The following PROZ variants were observed in gnomAD, a reference collection of about 807,000 sequenced individuals.
PROZ encodes the protein vitamin K-dependent protein Z.
PROZ carries 46 observed loss-of-function variants against 34.9 expected under a neutral mutation model. The ratio of observed to expected loss-of-function variants is 1.32; its 90% CI spans 1.04 to 1.69. The LOEUF (loss-of-function observed/expected upper bound fraction) is 1.69. Among genes scored for constraint, PROZ ranks in the 40% most tolerant of loss-of-function variants. The probability of loss-of-function intolerance (pLI) is 0.00; values close to 1 mark genes in which losing one functional copy is unlikely to be tolerated. For synonymous variants in PROZ, 195 were observed against 208.5 expected, an observed-to-expected ratio of 0.94 and a Z score of 0.56; for missense variants, 530 against 520.4, an observed-to-expected ratio of 1.02 and a Z score of -0.18.
At chr13:113,164,398 TTG>T in intron 4 of PROZ, 113 bp from the exon 5 acceptor site, 1 of 1,234,010 alleles carries the variant, frequency 8.1e-7, no homozygotes, top group Non-Finnish European at 1.2e-6. Flanking sequence ...ACCAGAACTC[TTG>T]TGTGCAAGGC....
chr13:113,163,750 G>A (rs552887089), intron 4 of PROZ, among the ~76,000 whole-genome samples: 2 of 151,614 alleles, frequency 1.3e-5, no homozygotes, highest in Non-Finnish European at 2.9e-5. Flanking sequence ...CACCCACCAT[G>A]TGCCCCTTTC....
chr13:113,165,213 T>G, intron 6 of PROZ, 93 bp downstream of exon 6: 1 of 1,332,916 alleles, frequency 7.5e-7, no homozygotes, highest in South Asian at 1.2e-5. Flanking sequence ...ACTAAGTGAA[T>G]CAGGCATCCT....
Position 113,172,117 on chromosome 13 carries a change from C to A in PROZ, c.*12C>A. On this transcript the variant is annotated 3_prime_UTR_variant, in exon 8 of 8. Coordinates refer to ENST00000375547, the MANE Select transcript of PROZ (RefSeq NM_003891.3). ...AGATCATGAACTAACTGAAACTCAG[C>A]TAGCCAGAATGAACAACACAACCGG... 1 of 1,611,830 alleles carries A rather than the reference C, an allele frequency of 6.2e-7. No individual in the cohort carries two copies. The highest frequency in any genetic ancestry group is 8.5e-7 in the Non-Finnish European group (1 of 1,179,644).
Position 113,158,796 on chromosome 13 carries a change from A to G in PROZ, c.70+66A>G, listed in dbSNP as rs1324704797. 5 of 1,476,422 alleles carry G rather than the reference A, an allele frequency of 3.4e-6. No individual in the cohort carries two copies. In the African/African-American group the frequency reaches 5.6e-5, roughly 16 times the overall value. 91.5% of individuals were successfully genotyped at this position (1,476,422 alleles called of 1,614,324 possible). A position where few individuals can be genotyped will look rare whatever the true frequency, so the allele number is the denominator to read the frequency against. On this transcript the variant is annotated intron_variant, in intron 1 of 7. Coordinates refer to ENST00000375547, the MANE Select transcript of PROZ (RefSeq NM_003891.3). The surrounding 1 kb of genome is among the most constrained non-coding windows in gnomAD (Gnocchi z 4.3). ...TCTTTCTTGACTCGGTCCATGGTGG[A>G]TTTGTAGATGAGGCTTTTTCCAGGA...
chr13:113,166,893 G>A (rs1419811341), intron 6 of PROZ, among the ~76,000 whole-genome samples: 9 of 152,106 alleles, frequency 5.9e-5, no homozygotes, highest in Non-Finnish European at 1.0e-4. Flanking sequence ...GTCTGCAACC[G>A]TAGCACTCAT....
chr13:113,160,196 A>G lies in PROZ; in HGVS notation c.234+19A>G. 2 of 1,612,936 alleles carry G rather than the reference A, an allele frequency of 1.2e-6. No homozygotes were observed. Among genetic ancestry groups the G allele is most frequent in the South Asian group, 2.2e-5 (2 of 91,050 alleles). On this transcript the variant is annotated intron_variant, in intron 2 of 7. Transcript: ENST00000375547. ...AGTCACTGTATGTACCCCCACCACA[A>G]ACCACAGGCCTCCTCATTATTTAGA... is the stretch of plus-strand genomic sequence containing the variant.
At position 113,160,131 on chromosome 13, in the gene PROZ, G is replaced by A. The variant is rs567624547; in HGVS notation, c.188G>A (p.Cys63Tyr). The A allele has an allele frequency of 1.9e-6, 3 of 1,614,152 alleles. No homozygotes were observed. Among genetic ancestry groups the A allele is most frequent in the South Asian group, 2.2e-5 (2 of 91,082 alleles). ...GAAAAAGAATGTTATGAAGAAATCTGTGTCTATGAAGAAGCAAGAGAAGTG... is the reference window on the plus strand; with the variant it reads ...GAAAAAGAATGTTATGAAGAAATCTATGTCTATGAAGAAGCAAGAGAAGTG... ...NLEKECYEEICVYEEAREVFE... is the reference protein window; with the variant it reads ...NLEKECYEEIYVYEEAREVFE... The change falls in exon 2 of 8, where the codon TGT becomes TAT. Residue 63 changes from cysteine to tyrosine, a missense_variant. Coordinates refer to ENST00000375547, the MANE Select transcript of PROZ (RefSeq NM_003891.3).
chr13:113,165,011 A>G, intron 5 of PROZ, 42 bp from the exon 6 acceptor site: 1 of 1,590,942 alleles, frequency 6.3e-7, no homozygotes, highest in Non-Finnish European at 8.6e-7. Flanking sequence ...ATTCGCTGAG[A>G]AGGCGCTGAT....
Position 113,163,046 on chromosome 13 carries a change from C to T in PROZ, c.297C>T (p.Asn99=), listed in dbSNP as rs1054600449. Residue 99 remains asparagine, a synonymous_variant, in exon 4 of 8, where the codon AAC becomes AAT. Transcript: ENST00000375547. ...SPCISQPCLH[N]GSCQDSIWGY... ...GCATCTCCCAGCCCTGCCTCCACAA[C>T]GGCTCTTGCCAGGACAGCATCTGGG... 1.7e-5 allele frequency: 27 copies of T among 1,561,304 alleles called. No individual in the cohort carries two copies. The highest frequency in any genetic ancestry group is 7.2e-5 in the East Asian group (3 of 41,786).
chr13:113,158,839 T>C lies in PROZ; in HGVS notation c.70+109T>C, dbSNP rs2036708295. On this transcript the variant is annotated intron_variant, in intron 1 of 7. Transcript: ENST00000375547. The surrounding 1 kb of genome is among the most constrained non-coding windows in gnomAD (Gnocchi z 4.3). ...TTCCAGGAGCCAGAGGAGCCCTGAG[T>C]GCCCAGACTAGTCTTAATTCCCCTG... 28 of 1,082,558 alleles carry C rather than the reference T, an allele frequency of 2.6e-5. No individual in the cohort carries two copies. Among genetic ancestry groups the C allele is most frequent in the Middle Eastern group, 3.9e-4 (2 of 5,100 alleles). The allele number at this position is 1,082,558 out of a possible 1,614,324, so 67.1% of individuals were successfully genotyped here.
intron 4 of PROZ, 66 bp downstream of exon 4, chr13:113,163,188 CAG>C (rs1368633352): frequency 1.3e-5 from 17 of 1,346,198 alleles, no homozygotes; most frequent in Non-Finnish European, 1.8e-5. Flanking sequence ...CATCCTCGGC[CAG>C]AGTCCCAATG....
At chr13:113,166,752 C>T (rs1484146532) in intron 6 of PROZ, among the ~76,000 whole-genome samples, 1 of 152,176 alleles carries the variant, frequency 6.6e-6, no homozygotes, top group Non-Finnish European at 1.5e-5. Context: ...CCCATGAGTG[C>T]GCTGAGGGTC....
At position 113,171,840 on chromosome 13, in the gene PROZ, C is replaced by G. The variant is rs753518204; in HGVS notation, c.938C>G (p.Ser313Trp). Reference sequence around the variant, plus strand: ...CGCAATGGCACTGACCTGGGCAACTCGCTGACCACGCGGCCTGTCACACTT... The same window carrying G: ...CGCAATGGCACTGACCTGGGCAACTGGCTGACCACGCGGCCTGTCACACTT... ...WARNGTDLGNSLTTRPVTLVE... is the reference protein window; with the variant it reads ...WARNGTDLGNWLTTRPVTLVE... Residue 313 changes from serine (S) to tryptophan (W), a missense_variant, in exon 8 of 8, where the codon TCG (serine) becomes TGG (tryptophan). Coordinates refer to ENST00000375547, the MANE Select transcript of PROZ (RefSeq NM_003891.3). This position sits in a 1 kb window ranked among gnomAD's most constrained non-coding sequence, Gnocchi z 5.1. The G allele has an allele frequency of 6.2e-7, 1 of 1,613,630 alleles. No individual in the cohort carries two copies.
At position 113,163,128 on chromosome 13, in the gene PROZ, G is replaced by A. The variant is rs150957775; in HGVS notation, c.373+6G>A. 1.4e-4 allele frequency: 209 copies of A among 1,547,140 alleles called. 2 individuals carry two copies. The African/African-American group carries it at 2.6e-3, about 19-fold the overall frequency. On this transcript the variant is annotated splice_donor_region_variant and intron_variant, in intron 4 of 7. Transcript: ENST00000375547. ...GGGCAGCAACTGCGAGCTGGGTGAG[G>A]CCCCGGCCGTCCCCTTCCCCCAAGG... is the stretch of plus-strand genomic sequence containing the variant.
Position 113,159,127 on chromosome 13 carries a change from T to A in PROZ, c.70+397T>A. On this transcript the variant is annotated intron_variant, in intron 1 of 7. Coordinates refer to ENST00000375547, the MANE Select transcript of PROZ (RefSeq NM_003891.3). This position sits in a 1 kb window ranked among gnomAD's most constrained non-coding sequence, Gnocchi z 4.6. The stretch of plus-strand genomic sequence containing the variant: ...GAGCCTTGGCCAGGCCAGCCAGGAA[T>A]GCCCAGTCTTGAGTCAGGAGACATA... 1.6e-6 allele frequency: 2 copies of A among 1,212,278 alleles called. No homozygotes were observed. Among genetic ancestry groups the A allele is most frequent in the Non-Finnish European group, 2.4e-6 (2 of 840,952 alleles). The allele number at this position is 1,212,278 out of a possible 1,614,324, so 75.1% of individuals were successfully genotyped here.
chr13:113,161,257 C>T (rs899236360), intron 3 of PROZ, among the ~76,000 whole-genome samples: 1 of 152,230 alleles, frequency 6.6e-6, no homozygotes, highest in Non-Finnish European at 1.5e-5. Context: ...GGAGGGCCCC[C>T]CCAGAGCAGC....
chr13:113,160,374 G>A (rs1198049665), intron 2 of PROZ, among the ~76,000 whole-genome samples, 197 bp downstream of exon 2: 1 of 152,166 alleles, frequency 6.6e-6, no homozygotes, highest in East Asian at 1.9e-4. Flanking sequence ...AGCAGTGAGT[G>A]GGGCTGGAAG....
intron 6 of PROZ, among the ~76,000 whole-genome samples, chr13:113,166,598 C>T (rs2043775356): frequency 6.6e-6 from 1 of 152,146 alleles, no homozygotes; most frequent in Admixed American, 6.5e-5. Context: ...AGGAAGAAAC[C>T]GAAGGGAGGC....
At chr13:113,165,289 C>T (rs2036893518) in intron 6 of PROZ, 169 bp downstream of exon 6, 9 of 709,900 alleles carry the variant, frequency 1.3e-5, no homozygotes, top group Middle Eastern at 7.2e-4. Context: ...GTTCTAATGC[C>T]GAGTTCATAA....
Sources: gnomAD v4.1 joint callset for allele counts (sites outside exome capture counted in the v4.1 genomes callset) on GRCh38, gnomAD v4.1.1 for gene constraint, Gnocchi (gnomAD v3.1) non-coding constraint, MANE v1.5 for transcripts, NCBI Gene and HGNC (gene_info 2026-07-23, HGNC 2026-07-21) for gene names.